Variants in SYT1 observed in about 807,000 individuals in gnomAD.
SYT1 encodes the protein synaptotagmin-1.
Under a neutral mutation model 44.8 loss-of-function variants are expected in SYT1, and 8 were observed. The observed-to-expected ratio is 0.18, with a 90% confidence interval of 0.10 to 0.32. The LOEUF (loss-of-function observed/expected upper bound fraction) is 0.32, where lower values mean the gene tolerates loss of function less well. Among genes scored for constraint, SYT1 ranks in the 10% least tolerant of loss-of-function variants. SYT1 has a pLI of 1.00. For missense variants in SYT1, 286 were observed against 509.3 expected (o/e 0.56, Z 4.22); for synonymous variants, 154 against 188.8 (o/e 0.82, Z 1.51).
chr12:79,390,245 T>G lies in SYT1; in HGVS notation c.928+36626T>G, dbSNP rs537825813. ...ACCGCGCCCGGCCTCCAATAATTCTTTATTATATACTGTGCTGTATTGAAT... is the reference window on the plus strand; with the variant it reads ...ACCGCGCCCGGCCTCCAATAATTCTGTATTATATACTGTGCTGTATTGAAT... On this transcript the variant is annotated intron_variant, in intron 9 of 10. Coordinates refer to ENST00000261205, the MANE Select transcript of SYT1 (RefSeq NM_005639.3). Among the ~76,000 whole-genome samples the G allele has an allele frequency of 2.0e-5, 3 of 152,302 alleles. No homozygotes were observed. In the South Asian group the frequency reaches 6.2e-4, roughly 32 times the overall value.
At chr12:79,190,976 CCT>C (rs1403797228) in intron 3 of SYT1, among the ~76,000 whole-genome samples, 2 of 151,950 alleles carry the variant, frequency 1.3e-5, no homozygotes, top group Non-Finnish European at 2.9e-5. Flanking sequence ...GAAATTTCTA[CCT>C]CTCACTTACC....
chr12:79,370,392 G>A (rs1465617151), intron 9 of SYT1, among the ~76,000 whole-genome samples: 1 of 152,200 alleles, frequency 6.6e-6, no homozygotes, highest in African/African-American at 2.4e-5. Context: ...GGATCCATGA[G>A]TATAAGTGAT....
intron 2 of SYT1, among the ~76,000 whole-genome samples, chr12:79,023,356 G>A (rs146522955): frequency 2.3e-3 from 345 of 151,914 alleles, no homozygotes; most frequent in African/African-American, 7.1e-3. Flanking sequence ...TGAGGGGTGG[G>A]GCTTTAGAGA....
intron 2 of SYT1, among the ~76,000 whole-genome samples, chr12:79,016,231 A>G (rs1405383709): frequency 6.6e-6 from 1 of 152,194 alleles, no homozygotes; most frequent in Non-Finnish European, 1.5e-5. Flanking sequence ...TAGGACATGT[A>G]TAGTGAATTT....
intron 1 of SYT1, among the ~76,000 whole-genome samples, chr12:78,935,718 T>A (rs1225121811): frequency 6.6e-6 from 1 of 152,100 alleles, no homozygotes; most frequent in Non-Finnish European, 1.5e-5. Flanking sequence ...CATTTGCCAA[T>A]GAAAGGCTCT....
At chr12:79,009,831 G>C (rs1871309441) in intron 2 of SYT1, among the ~76,000 whole-genome samples, 1 of 151,550 alleles carries the variant, frequency 6.6e-6, no homozygotes, top group Admixed American at 6.6e-5. Flanking sequence ...TTTTATTTTT[G>C]TTTCTGAATC....
chr12:78,885,419 C>T (rs1363586785), intron 1 of SYT1, among the ~76,000 whole-genome samples: 1 of 150,554 alleles, frequency 6.6e-6, no homozygotes, highest in Non-Finnish European at 1.5e-5. Context: ...AGGACAGGTG[C>T]TATTAATAAG....
At chr12:79,236,907 T>C (rs1311624017) in intron 4 of SYT1, among the ~76,000 whole-genome samples, 1 of 152,184 alleles carries the variant, frequency 6.6e-6, no homozygotes, top group Non-Finnish European at 1.5e-5. Flanking sequence ...GGTCCATCAA[T>C]ATCAGGCTGA....
chr12:79,137,552 T>C (rs1024739865), intron 3 of SYT1, among the ~76,000 whole-genome samples: 2 of 152,214 alleles, frequency 1.3e-5, no homozygotes, highest in African/African-American at 4.8e-5. Flanking sequence ...AGACAAATGA[T>C]TTTCTAAAAC....
chr12:79,244,619 G>A (rs1405376490), intron 4 of SYT1, among the ~76,000 whole-genome samples: 1 of 151,656 alleles, frequency 6.6e-6, no homozygotes, highest in Non-Finnish European at 1.5e-5. Context: ...CAGAAGAATT[G>A]CTTGAACCCA....
intron 4 of SYT1, among the ~76,000 whole-genome samples, chr12:79,264,320 C>T (rs1398250796): frequency 6.6e-6 from 1 of 151,944 alleles, no homozygotes; most frequent in Non-Finnish European, 1.5e-5. Flanking sequence ...GCTGGGACTA[C>T]TGGCGCCCAC....
intron 3 of SYT1, among the ~76,000 whole-genome samples, chr12:79,203,623 T>G (rs1698271066): frequency 6.6e-6 from 1 of 151,948 alleles, no homozygotes; most frequent in Non-Finnish European, 1.5e-5. Context: ...AAAGCAGTAC[T>G]TGTCAGAAAA....
At chr12:79,029,186 G>A (rs758244171) in intron 2 of SYT1, among the ~76,000 whole-genome samples, 5 of 150,860 alleles carry the variant, frequency 3.3e-5, no homozygotes, top group African/African-American at 4.9e-5. Context: ...GCATACTATC[G>A]GTAGTGCAGA....
chr12:79,053,312 A>T (rs188666703), intron 3 of SYT1, among the ~76,000 whole-genome samples: 26 of 152,192 alleles, frequency 1.7e-4, no homozygotes, highest in African/African-American at 6.3e-4. Flanking sequence ...AACAATGAGA[A>T]CACATGGACA....
At chr12:79,325,847 T>G (rs965864338) in intron 8 of SYT1, among the ~76,000 whole-genome samples, 4 of 152,230 alleles carry the variant, frequency 2.6e-5, no homozygotes, top group African/African-American at 9.6e-5. Context: ...TTAGATGAGA[T>G]GCAATATGCA....
rs139024552 is a variant in SYT1 at position 79,208,250 on chromosome 12, G to T, written c.-17-9253G>T. ...GGTTTCAGGAGATGACATTGTGGGG[G>T]CATATTTGAGTTTCCATAATGGGAG... On this transcript the variant is annotated intron_variant, in intron 3 of 10. Coordinates refer to ENST00000261205, the MANE Select transcript of SYT1 (RefSeq NM_005639.3). Among the ~76,000 whole-genome samples, 420 of 152,190 alleles carry T rather than the reference G, an allele frequency of 2.8e-3. 1 individual carries two copies. Among genetic ancestry groups the T allele is most frequent in the African/African-American group, 9.6e-3 (400 of 41,524 alleles).
chr12:79,305,981 GC>G (rs1423849196), intron 8 of SYT1, among the ~76,000 whole-genome samples: 1 of 152,168 alleles, frequency 6.6e-6, no homozygotes, highest in Non-Finnish European at 1.5e-5. Context: ...ACACGTGTGA[GC>G]CACTGCACCT....
At chr12:79,218,742 G>T (rs1157842515) in intron 4 of SYT1, among the ~76,000 whole-genome samples, 1 of 152,064 alleles carries the variant, frequency 6.6e-6, no homozygotes, top group African/African-American at 2.4e-5. Flanking sequence ...TCAAGTGGAT[G>T]TACCACAGTC....
chr12:79,214,479 T>C (rs148248497), intron 3 of SYT1, among the ~76,000 whole-genome samples: 204 of 152,336 alleles, frequency 1.3e-3, no homozygotes, highest in African/African-American at 4.5e-3. Flanking sequence ...GCAAAAGTCT[T>C]ATTGTTCCTA....
Sources: allele counts gnomAD v4.1 joint callset (sites outside exome capture counted in the v4.1 genomes callset), GRCh38; gene constraint gnomAD v4.1.1; transcripts MANE v1.5; gene names NCBI Gene and HGNC (gene_info 2026-07-23, HGNC 2026-07-21).